Variants in ZSCAN18 observed in about 807,000 individuals in gnomAD.
ZSCAN18 encodes the protein zinc finger and SCAN domain-containing protein 18.
Under a neutral mutation model 31.1 loss-of-function variants are expected in ZSCAN18, and 16 were observed. The ratio of observed to expected loss-of-function variants is 0.51; its 90% confidence interval spans 0.35 to 0.78. The LOEUF (loss-of-function observed/expected upper bound fraction) is 0.78. Among genes scored for constraint, ZSCAN18 ranks in the 30% least tolerant of loss-of-function variants. ZSCAN18 has a pLI of 0.01. For synonymous variants in ZSCAN18, 375 were observed against 320.7 expected, an observed-to-expected ratio of 1.17 and a Z score of -1.81; for missense variants, 731 against 697.4, an observed-to-expected ratio of 1.05 and a Z score of -0.54.
intron 5 of ZSCAN18, chr19:58,086,611 A>T: frequency 4.1e-6 from 2 of 492,168 alleles, no homozygotes; most frequent in Non-Finnish European, 7.2e-6. Flanking sequence ...CAGGCCATGC[A>T]GGTGAGGCCC....
Position 58,089,980 on chromosome 19 carries a change from CT to C in ZSCAN18, c.287del (p.Gln96ArgfsTer121). The stretch of plus-strand genomic sequence containing the variant: ...CCTTATCAGGCAGGATGCCCAGGAA[CT>C]GCTCCAGCACCAGCAGCTCCAGCAT... ...EQMLELLVLEQFLGILPDKVR... is the reference protein window; with the variant it reads ...EQMLELLVLEXFLGILPDKVR... On this transcript the variant is annotated frameshift_variant, in exon 2 of 7. Coordinates refer to ENST00000601144, the MANE Select transcript of ZSCAN18 (RefSeq NM_001145543.2). LOFTEE classifies it high-confidence loss of function. 1 of 1,614,146 alleles carries C rather than the reference CT, an allele frequency of 6.2e-7. No homozygotes were observed.
chr19:58,085,083 C>T lies in ZSCAN18; in HGVS notation c.1135G>A (p.Gly379Arg), dbSNP rs773008323. 3 of 1,604,156 alleles carry T rather than the reference C, an allele frequency of 1.9e-6. No individual in the cohort carries two copies. Among genetic ancestry groups the T allele is most frequent in the Non-Finnish European group, 2.6e-6 (3 of 1,174,654 alleles). The change falls in exon 7 of 7, where the codon GGG (glycine) becomes AGG (arginine). Residue 379 changes from glycine (G) to arginine (R), a missense_variant. By Grantham distance (125) the Gly-to-Arg change is moderately radical. Coordinates refer to ENST00000601144, the MANE Select transcript of ZSCAN18 (RefSeq NM_001145543.2). ...CTAGAGACGCCCTCGAGGCTCTGCC[C>T]GTCCCCATCCTCGGGGTGCGGCCTC... ...TKRPHPEDGD[G>R]QSLEGVSSSG...
chr19:58,112,607 C>T (rs1000841590), intron 1 of ZSCAN18, among the ~76,000 whole-genome samples: 3 of 151,172 alleles, frequency 2.0e-5, no homozygotes, highest in South Asian at 2.1e-4. Context: ...GCCGAGATCA[C>T]ACCACTGCAC....
upstream of ZSCAN18, among the ~76,000 whole-genome samples, chr19:58,100,136 T>G (rs1175009860): frequency 6.7e-6 from 1 of 150,046 alleles, no homozygotes; most frequent in Non-Finnish European, 1.5e-5. Flanking sequence ...TTTTTTTTTT[T>G]AAGAGATGGG....
Position 58,085,301 on chromosome 19 carries a change from G to T in ZSCAN18, c.917C>A (p.Thr306Lys). 6.3e-7 allele frequency: 1 copy of T among 1,599,472 alleles called. No individual in the cohort carries two copies. Among genetic ancestry groups the T allele is most frequent in the Non-Finnish European group, 8.5e-7 (1 of 1,178,336 alleles). Residue 306 changes from threonine to lysine, a missense_variant, in exon 7 of 7, where the codon ACG becomes AAG. Coordinates refer to ENST00000601144, the MANE Select transcript of ZSCAN18 (RefSeq NM_001145543.2). Reference protein sequence around the residue: ...APAGVLPELPTEAPPGDALAD... With the variant: ...APAGVLPELPKEAPPGDALAD... ...AAGGGCGTCCCCAGGGGGCGCCTCC[G>T]TAGGCAGCTCAGGCAGCACCCCCGC...
At chr19:58,095,217 G>C (rs147362348) in intron 1 of ZSCAN18, among the ~76,000 whole-genome samples, 1 of 152,180 alleles carries the variant, frequency 6.6e-6, no homozygotes, top group African/African-American at 2.4e-5. Flanking sequence ...GGTCCTGCAG[G>C]CATGTAATTT....
upstream of ZSCAN18, chr19:58,098,279 T>G: frequency 1.0e-6 from 1 of 985,382 alleles, no homozygotes; most frequent in South Asian, 4.7e-5. Flanking sequence ...GGACTACGAC[T>G]CCCACAATGC....
upstream of ZSCAN18, chr19:58,098,385 C>A (rs2074562814): frequency 1.0e-6 from 1 of 985,494 alleles, no homozygotes; most frequent in Non-Finnish European, 1.2e-6. Flanking sequence ...CCCGGCGTCC[C>A]GCCCACTCCG....
chr19:58,113,615 T>G (rs2074706021), intron 1 of ZSCAN18, among the ~76,000 whole-genome samples: 1 of 152,116 alleles, frequency 6.6e-6, no homozygotes. Context: ...ACTTTTCTCT[T>G]TGACTAAATG....
upstream of ZSCAN18, among the ~76,000 whole-genome samples, chr19:58,101,513 CTTCTTCTTTTT>C (rs1459192847): frequency 5.2e-5 from 3 of 57,382 alleles, no homozygotes; most frequent in Non-Finnish European, 1.0e-4. Context: ...TATACTTTAT[CTTCTTCTTTTT>C]TTTTTTTTTT....
At chr19:58,092,798 G>GA in intron 1 of ZSCAN18, 4 of 791,494 alleles carry the variant, frequency 5.1e-6, no homozygotes, top group Non-Finnish European at 6.1e-6. Flanking sequence ...TTTAAACACA[G>GA]GGTCTTACTC....
At chr19:58,114,182 C>T (rs1400366193) in intron 1 of ZSCAN18, among the ~76,000 whole-genome samples, 1 of 152,058 alleles carries the variant, frequency 6.6e-6, no homozygotes, top group African/African-American at 2.4e-5. Flanking sequence ...GCAGGAGAAT[C>T]ACTTGAACCT....
At chr19:58,109,959 C>A (rs1301784582) in intron 1 of ZSCAN18, among the ~76,000 whole-genome samples, 1 of 152,132 alleles carries the variant, frequency 6.6e-6, no homozygotes, top group South Asian at 2.1e-4. Context: ...TGTTGCCCAG[C>A]CTGAACTCAA....
At chr19:58,096,134 A>C (rs2074515922) in intron 1 of ZSCAN18, among the ~76,000 whole-genome samples, 1 of 152,166 alleles carries the variant, frequency 6.6e-6, no homozygotes, top group African/African-American at 2.4e-5. Flanking sequence ...GGGGAGTCTT[A>C]AGCAGGAGGA....
chr19:58,100,686 T>C (rs2074585542), upstream of ZSCAN18, among the ~76,000 whole-genome samples: 1 of 55,600 alleles, frequency 1.8e-5, no homozygotes, highest in African/African-American at 4.1e-5. Context: ...AGCGGGCGGA[T>C]CACGAGGTCA....
chr19:58,083,953 T>G lies in ZSCAN18; in HGVS notation c.*732A>C, dbSNP rs2074208830. The G allele has an allele frequency of 6.6e-6, 1 of 152,266 alleles. No homozygotes were observed. Among genetic ancestry groups the G allele is most frequent in the African/African-American group, 2.4e-5 (1 of 41,464 alleles). The allele number at this position is 152,266 out of a possible 1,614,324, so 9.4% of individuals were successfully genotyped here. Reference sequence around the variant, plus strand: ...AAGAAATGTCTTACATTGCAACCAGTTCTCACATTTAGATGTATGGGTGAA... The same window carrying G: ...AAGAAATGTCTTACATTGCAACCAGGTCTCACATTTAGATGTATGGGTGAA... On this transcript the variant is annotated 3_prime_UTR_variant, in exon 7 of 7. Coordinates refer to ENST00000601144, the MANE Select transcript of ZSCAN18 (RefSeq NM_001145543.2).
intron 5 of ZSCAN18, 85 bp from the exon 6 acceptor site, chr19:58,086,351 A>C: frequency 8.1e-7 from 1 of 1,239,562 alleles, no homozygotes; most frequent in Non-Finnish European, 1.2e-6. Context: ...CAGCCAGGGC[A>C]GGCTGCAGCC....
intron 1 of ZSCAN18, among the ~76,000 whole-genome samples, chr19:58,104,405 A>AC (rs1600004970): frequency 4.7e-5 from 7 of 147,560 alleles, no homozygotes; most frequent in South Asian, 2.1e-4. Context: ...AACAAAACAA[A>AC]AAAAAAGTCT....
Position 58,086,276 on chromosome 19 carries a change from G to A in ZSCAN18, c.746-10C>T. On this transcript the variant is annotated splice_polypyrimidine_tract_variant and intron_variant, in intron 5 of 6. Transcript: ENST00000601144. ...TGGGAAAGCTGATACCCTGAGTGGG[G>A]TTAAAAACCAAAGAAATAAAAGGCA... The A allele has an allele frequency of 6.2e-7, 1 of 1,612,488 alleles. No individual in the cohort carries two copies. The highest frequency in any genetic ancestry group is 8.5e-7 in the Non-Finnish European group (1 of 1,178,930).
Sources: gnomAD v4.1 joint callset for allele counts (sites outside exome capture counted in the v4.1 genomes callset) on GRCh38, gnomAD v4.1.1 for gene constraint, MANE v1.5 for transcripts, NCBI Gene and HGNC (gene_info 2026-07-23, HGNC 2026-07-21) for gene names.